The following INPP5B variants were observed in gnomAD, a reference collection of about 807,000 sequenced individuals.
The protein encoded by INPP5B is type II inositol 1,4,5-trisphosphate 5-phosphatase.
INPP5B carries 90 observed loss-of-function variants against 118.5 expected under a neutral mutation model. The ratio of observed to expected loss-of-function variants is 0.76; its 90% CI spans 0.64 to 0.90. The LOEUF is 0.90. Among genes scored for constraint, INPP5B ranks in the 40% least tolerant of loss-of-function variants. The probability of loss-of-function intolerance (pLI) is 0.00; values close to 1 mark genes in which losing one functional copy is unlikely to be tolerated. For synonymous variants in INPP5B, 385 were observed against 418.9 expected, an observed-to-expected ratio of 0.92 and a Z score of 0.99; for missense variants, 984 against 1,125.6, an observed-to-expected ratio of 0.87 and a Z score of 1.80.
chr1:37,896,916 C>T (rs1429353715), intron 7 of INPP5B, among the ~76,000 whole-genome samples: 2 of 135,916 alleles, frequency 1.5e-5, no homozygotes, highest in African/African-American at 5.5e-5. Context: ...GCGCTCTGCC[C>T]AGCCGCCCCT....
intron 13 of INPP5B, chr1:37,883,366 C>T: frequency 6.1e-6 from 6 of 985,414 alleles, no homozygotes; most frequent in Non-Finnish European, 7.2e-6. Flanking sequence ...GAGCAGAGTT[C>T]CTCTGAAACA....
At chr1:37,885,312 G>T (rs556184548) in intron 13 of INPP5B, among the ~76,000 whole-genome samples, 1 of 152,176 alleles carries the variant, frequency 6.6e-6, no homozygotes, top group Non-Finnish European at 1.5e-5. Flanking sequence ...TACTCAGGAG[G>T]CTGAGGCAGG....
intron 7 of INPP5B, among the ~76,000 whole-genome samples, chr1:37,905,430 A>C (rs1644471111): frequency 6.6e-6 from 1 of 152,180 alleles, no homozygotes; most frequent in African/African-American, 2.4e-5. Flanking sequence ...ATAAACAAAA[A>C]TATGTTATTG....
intron 7 of INPP5B, among the ~76,000 whole-genome samples, chr1:37,896,839 T>C (rs1239308062): frequency 9.4e-5 from 10 of 105,854 alleles, no homozygotes; most frequent in African/African-American, 1.5e-4. Flanking sequence ...CGCCTCTGCC[T>C]AGCCGCCCCT....
chr1:37,919,321 C>T (rs1242424365), intron 7 of INPP5B, among the ~76,000 whole-genome samples: 1 of 152,124 alleles, frequency 6.6e-6, no homozygotes, highest in Non-Finnish European at 1.5e-5. Context: ...CAGTCACCAG[C>T]CTTTGCATCC....
intron 7 of INPP5B, among the ~76,000 whole-genome samples, chr1:37,928,369 T>G (rs578106310): frequency 2.0e-5 from 3 of 152,000 alleles, no homozygotes; most frequent in East Asian, 3.9e-4. Flanking sequence ...TTTTTTGTTT[T>G]GTTTTGTTTT....
intron 7 of INPP5B, among the ~76,000 whole-genome samples, chr1:37,920,065 T>A (rs1344671088): frequency 6.6e-6 from 1 of 152,236 alleles, no homozygotes; most frequent in Non-Finnish European, 1.5e-5. Flanking sequence ...GTGCTGTTAT[T>A]ATGTCCACGT....
At chr1:37,872,103 A>G (rs1455502829) in intron 19 of INPP5B, among the ~76,000 whole-genome samples, 3 of 144,700 alleles carry the variant, frequency 2.1e-5, no homozygotes, top group Non-Finnish European at 4.5e-5. Context: ...GCGGTGGCTC[A>G]TGCCTGTAAT....
intron 7 of INPP5B, among the ~76,000 whole-genome samples, chr1:37,897,359 A>G (rs1225875517): frequency 6.7e-6 from 1 of 149,958 alleles, no homozygotes; most frequent in Non-Finnish European, 1.5e-5. Flanking sequence ...AGAGGTAGAC[A>G]TGGGAGACTT....
chr1:37,929,461 G>C (rs976708695), intron 7 of INPP5B: 2 of 151,992 alleles, frequency 1.3e-5, no homozygotes, highest in African/African-American at 4.8e-5. Context: ...GGTTCTCTAG[G>C]CTATCAAAAA....
intron 7 of INPP5B, among the ~76,000 whole-genome samples, chr1:37,899,510 C>A (rs542720303): frequency 1.3e-5 from 2 of 151,872 alleles, no homozygotes; most frequent in Non-Finnish European, 2.9e-5. Context: ...TGCGGTGAGC[C>A]GAGATCGCAC....
chr1:37,917,650 T>G (rs1374088408), intron 7 of INPP5B, among the ~76,000 whole-genome samples: 4 of 152,020 alleles, frequency 2.6e-5, no homozygotes, highest in Non-Finnish European at 5.9e-5. Flanking sequence ...TAATTTGATT[T>G]TACCTAAATT....
At chr1:37,873,814 C>T (rs188073644) in intron 18 of INPP5B, among the ~76,000 whole-genome samples, 179 bp downstream of exon 18, 3 of 152,334 alleles carry the variant, frequency 2.0e-5, no homozygotes, top group South Asian at 4.1e-4. Context: ...TGAAACTGAA[C>T]TCATGCTCCT....
At chr1:37,862,920 G>C (rs1641782688) in intron 23 of INPP5B, among the ~76,000 whole-genome samples, 1 of 152,154 alleles carries the variant, frequency 6.6e-6, no homozygotes, top group Non-Finnish European at 1.5e-5. Flanking sequence ...GGGGAATGGT[G>C]CTGTGTCAGA....
chr1:37,894,570 T>C (rs1643952057), intron 7 of INPP5B, among the ~76,000 whole-genome samples: 1 of 151,250 alleles, frequency 6.6e-6, no homozygotes, highest in South Asian at 2.1e-4. Context: ...TCTTTTTTTT[T>C]TTTTTTTTTG....
At chr1:37,892,649 T>C (rs1203784912) in intron 7 of INPP5B, among the ~76,000 whole-genome samples, 3 of 152,118 alleles carry the variant, frequency 2.0e-5, no homozygotes, top group African/African-American at 7.2e-5. Flanking sequence ...AAAAAACTTT[T>C]GAAAAAAGAA....
chr1:37,876,745 G>T (rs1308375698), intron 16 of INPP5B, among the ~76,000 whole-genome samples: 1 of 151,026 alleles, frequency 6.6e-6, no homozygotes, highest in African/African-American at 2.4e-5. Flanking sequence ...GTGTGGTGGC[G>T]GGCGCCTGCC....
At chr1:37,882,088 G>C (rs1643235907) in intron 14 of INPP5B, among the ~76,000 whole-genome samples, 1 of 148,708 alleles carries the variant, frequency 6.7e-6, no homozygotes, top group Non-Finnish European at 1.5e-5. Context: ...GCCAGAGCAA[G>C]ACTCTGTCTC....
intron 6 of INPP5B, among the ~76,000 whole-genome samples, chr1:37,934,994 T>C (rs1645629793): frequency 6.6e-6 from 1 of 150,752 alleles, no homozygotes; most frequent in Admixed American, 6.6e-5. Flanking sequence ...GGTCAGGAGA[T>C]CGAGACCATC....
Sources: allele counts gnomAD v4.1 joint callset (sites outside exome capture counted in the v4.1 genomes callset), GRCh38; gene constraint gnomAD v4.1.1; transcripts MANE v1.5; gene names NCBI Gene and HGNC (gene_info 2026-07-23, HGNC 2026-07-21).